The following PCDHB11 variants were observed in gnomAD, a reference collection of about 807,000 sequenced individuals.
PCDHB11 encodes the protein protocadherin beta-11.
For missense variants in PCDHB11, 1,151 were observed against 1,003.4 expected (o/e 1.15, Z -1.99); for synonymous variants, 522 against 442.0 (o/e 1.18, Z -2.27).
Position 141,201,036 on chromosome 5 carries a change from T to C in PCDHB11, c.1262T>C (p.Ile421Thr), listed in dbSNP as rs1270681555. 1 of 1,614,152 alleles carries C rather than the reference T, an allele frequency of 6.2e-7. No individual in the cohort carries two copies. The highest frequency in any genetic ancestry group is 1.1e-5 in the South Asian group (1 of 91,074). Residue 421 changes from isoleucine (I) to threonine (T), a missense_variant, in exon 1 of 1, where the codon ATC becomes ACC. Coordinates refer to ENST00000354757, the MANE Select transcript of PCDHB11 (RefSeq NM_018931.3). ...AGCACAGCCGAGTACAATATCACCA[T>C]CACCGTCACCGACTTGGGGATACCC... ...RESTAEYNIT[I>T]TVTDLGIPRL...
rs141874446 is a variant in PCDHB11 at position 141,200,980 on chromosome 5, G to C, written c.1206G>C (p.Thr402=). The change falls in exon 1 of 1, where the codon ACG becomes ACC. Residue 402 remains threonine (T), a synonymous_variant. Transcript: ENST00000354757. ...VLKSSVENYY[T]LETERPLDRE... Reference sequence around the variant, plus strand: ...AATCTTCAGTTGAGAATTACTACACGTTGGAAACAGAGAGACCACTGGACA... The same window carrying C: ...AATCTTCAGTTGAGAATTACTACACCTTGGAAACAGAGAGACCACTGGACA... 2.5e-6 allele frequency: 4 copies of C among 1,614,034 alleles called. No homozygotes were observed. The highest frequency in any genetic ancestry group is 1.1e-5 in the South Asian group (1 of 91,092).
In PCDHB11 at chr5:141,201,650, A is replaced by C; in HGVS notation, c.1876A>C (p.Thr626Pro). Residue 626 changes from threonine (T) to proline (P), a missense_variant, in exon 1 of 1, where the codon ACC becomes CCC. By Grantham distance (38) the Thr-to-Pro change is conservative. Transcript: ENST00000354757. ...GVWAHNGEVR[T>P]ARLLSERDAA... The stretch of plus-strand genomic sequence containing the variant: ...GTGGGCGCACAATGGCGAGGTGCGC[A>C]CCGCCAGGCTGCTGAGCGAGCGCGA... 6.2e-7 allele frequency: 1 copy of C among 1,605,812 alleles called. No homozygotes were observed. The highest frequency in any genetic ancestry group is 1.1e-5 in the South Asian group (1 of 90,906).
Position 141,201,948 on chromosome 5 carries a change from G to A in PCDHB11, c.2174G>A (p.Cys725Tyr). The change falls in exon 1 of 1, where the codon TGC becomes TAC. Residue 725 changes from cysteine (C) to tyrosine (Y), a missense_variant. Coordinates refer to ENST00000354757, the MANE Select transcript of PCDHB11 (RefSeq NM_018931.3). Reference sequence around the variant, plus strand: ...AGCAGGGCGGCCTCGGTGGGAAGCTGCTCGGTGCCTAAGGGCCCCTTTCCA... The same window carrying A: ...AGCAGGGCGGCCTCGGTGGGAAGCTACTCGGTGCCTAAGGGCCCCTTTCCA... ...RRSRAASVGS[C>Y]SVPKGPFPGH... 6.2e-7 allele frequency: 1 copy of A among 1,614,062 alleles called. No homozygotes were observed. Among genetic ancestry groups the A allele is most frequent in the South Asian group, 1.1e-5 (1 of 91,070 alleles).
rs1410215993 is a variant in PCDHB11, at chr5:141,203,584, TA to T, written c.*1417del. 5 of 152,214 alleles carry T rather than the reference TA, an allele frequency of 3.3e-5. No homozygotes were observed. Among genetic ancestry groups the T allele is most frequent in the Non-Finnish European group, 5.9e-5 (4 of 68,044 alleles). The allele number at this position is 152,214 out of a possible 1,614,324, so 9.4% of individuals were successfully genotyped here. Reference sequence around the variant, plus strand: ...AATGTGCTCATGGTAAATTAAATATTATTTTGTGATCAATATTATACTTCAA... The same window carrying T: ...AATGTGCTCATGGTAAATTAAATATTTTTTGTGATCAATATTATACTTCAA... On this transcript the variant is annotated 3_prime_UTR_variant, in exon 1 of 1. Coordinates refer to ENST00000354757, the MANE Select transcript of PCDHB11 (RefSeq NM_018931.3).
rs782328078 is a variant in PCDHB11, at chr5:141,201,871, G to T, written c.2097G>T (p.Ser699=). 4 of 1,611,556 alleles carry T rather than the reference G, an allele frequency of 2.5e-6. No individual in the cohort carries two copies. The highest frequency in any genetic ancestry group is 3.4e-6 in the Non-Finnish European group (4 of 1,179,874). ...TGGTGGCGTTGGCCTCGGTGTCTTC[G>T]CTCTTCCTCTTCTCGGTGCTCCTGT... ...YLVVALASVS[S]LFLFSVLLFV... is the part of the protein sequence containing the mutation. Residue 699 remains serine, a synonymous_variant, in exon 1 of 1, where the codon TCG becomes TCT. Transcript: ENST00000354757.
rs1296261258 is a variant in PCDHB11, at chr5:141,201,866, T to C, written c.2092T>C (p.Ser698Pro). 5 of 1,611,216 alleles carry C rather than the reference T, an allele frequency of 3.1e-6. No homozygotes were observed. In the African/African-American group the frequency reaches 5.3e-5, roughly 17 times the overall value. The change falls in exon 1 of 1, where the codon TCT (serine) becomes CCT (proline). Residue 698 changes from serine to proline, a missense_variant. By Grantham distance (74) the Ser-to-Pro change is moderately conservative. Coordinates refer to ENST00000354757, the MANE Select transcript of PCDHB11 (RefSeq NM_018931.3). ...CTTGGTGGTGGCGTTGGCCTCGGTG[T>C]CTTCGCTCTTCCTCTTCTCGGTGCT... ...VYLVVALASV[S>P]SLFLFSVLLF...
At position 141,199,716 on chromosome 5, in the gene PCDHB11, T is replaced by C; in HGVS notation, c.-59T>C. On this transcript the variant is annotated 5_prime_UTR_variant, in exon 1 of 1. Transcript: ENST00000354757. The stretch of plus-strand genomic sequence containing the variant: ...GACCACAGAGGATTTGGTGGACAAG[T>C]CAGAGACGCGTTCCGCAGAGCTGAA... 1 of 1,477,028 alleles carries C rather than the reference T, an allele frequency of 6.8e-7. No homozygotes were observed. Among genetic ancestry groups the C allele is most frequent in the Non-Finnish European group, 9.3e-7 (1 of 1,078,520 alleles). 91.5% of individuals were successfully genotyped at this position (1,477,028 alleles called of 1,614,324 possible).
chr5:141,203,530 C>T lies in PCDHB11; in HGVS notation c.*1362C>T, dbSNP rs1278168663. ...AGCCACATCATCTAGTTCTAAATCA[C>T]AGCATTTAAAGAGAAACATTTCATT... On this transcript the variant is annotated 3_prime_UTR_variant, in exon 1 of 1. Coordinates refer to ENST00000354757, the MANE Select transcript of PCDHB11 (RefSeq NM_018931.3). 1 of 152,196 alleles carries T rather than the reference C, an allele frequency of 6.6e-6. No individual in the cohort carries two copies. The highest frequency in any genetic ancestry group is 2.4e-5 in the African/African-American group (1 of 41,452). 9.4% of individuals were successfully genotyped at this position (152,196 alleles called of 1,614,324 possible). A position where few individuals can be genotyped will look rare whatever the true frequency, so the allele number is the denominator to read the frequency against.
At position 141,203,247 on chromosome 5, in the gene PCDHB11, A is replaced by G. The variant is rs995519348; in HGVS notation, c.*1079A>G. 2.0e-5 allele frequency: 3 copies of G among 151,960 alleles called. No homozygotes were observed. The highest frequency in any genetic ancestry group is 4.8e-5 in the African/African-American group (2 of 41,336). The allele number at this position is 151,960 out of a possible 1,614,324, so 9.4% of individuals were successfully genotyped here. A position where few individuals can be genotyped will look rare whatever the true frequency, so the allele number is the denominator to read the frequency against. ...TACAGGTGCACCACCACACCCAGCT[A>G]ATTTTGCATTTTTAGTAGAGACGGG... is the stretch of plus-strand genomic sequence containing the variant. On this transcript the variant is annotated 3_prime_UTR_variant, in exon 1 of 1. Transcript: ENST00000354757.
At position 141,200,391 on chromosome 5, in the gene PCDHB11, C is replaced by T. The variant is rs782734956; in HGVS notation, c.617C>T (p.Pro206Leu). 2 of 1,614,134 alleles carry T rather than the reference C, an allele frequency of 1.2e-6. No homozygotes were observed. The highest frequency in any genetic ancestry group is 1.1e-5 in the South Asian group (1 of 91,080). Residue 206 changes from proline (P) to leucine (L), a missense_variant, in exon 1 of 1, where the codon CCG becomes CTG. Transcript: ENST00000354757. ...AAGGCGCTGGATTATGAAGAGCTCCCGGAGCTCAGTTTCATCCTCTCTGCT... is the reference window on the plus strand; with the variant it reads ...AAGGCGCTGGATTATGAAGAGCTCCTGGAGCTCAGTTTCATCCTCTCTGCT... ...LDKALDYEEL[P>L]ELSFILSALD...
At position 141,201,764 on chromosome 5, in the gene PCDHB11, G is replaced by T; in HGVS notation, c.1990G>T (p.Asp664Tyr). The change falls in exon 1 of 1, where the codon GAC (aspartate) becomes TAC (tyrosine). Residue 664 changes from aspartate to tyrosine, a missense_variant. Transcript: ENST00000354757. The stretch of plus-strand genomic sequence containing the variant: ...CGCCACGCTGCAAGTGCTCCTGGTG[G>T]ACGGCTTCTCCCAGCCCTACCTGCC... ...ATATLQVLLV[D>Y]GFSQPYLPLP... The T allele has an allele frequency of 6.2e-7, 1 of 1,609,386 alleles. No individual in the cohort carries two copies.
chr5:141,200,336 A>G lies in PCDHB11; in HGVS notation c.562A>G (p.Asn188Asp). ...FHIKMRVIPD[N>D]RKYPELVLDK... is the part of the protein sequence containing the mutation. The stretch of plus-strand genomic sequence containing the variant: ...CATTAAAATGAGAGTCATTCCAGAC[A>G]ATAGGAAATACCCCGAGTTAGTTCT... Residue 188 changes from asparagine to aspartate, a missense_variant, in exon 1 of 1, where the codon AAT becomes GAT. By Grantham distance (23) the Asn-to-Asp change is conservative. Transcript: ENST00000354757. The G allele has an allele frequency of 6.2e-7, 1 of 1,614,144 alleles. No homozygotes were observed. The highest frequency in any genetic ancestry group is 1.1e-5 in the South Asian group (1 of 91,084).
Position 141,202,211 on chromosome 5 carries a change from G to C in PCDHB11, c.*43G>C, listed in dbSNP as rs781913751. ...TTTGCATGTACTTTTTTAGTTTTAT[G>C]TAACCATATCAATATTATTTAGTCT... is the stretch of plus-strand genomic sequence containing the variant. On this transcript the variant is annotated 3_prime_UTR_variant, in exon 1 of 1. Transcript: ENST00000354757. 4.8e-6 allele frequency: 7 copies of C among 1,467,900 alleles called. No individual in the cohort carries two copies. The highest frequency in any genetic ancestry group is 6.5e-6 in the Non-Finnish European group (7 of 1,083,848). The allele number at this position is 1,467,900 out of a possible 1,614,324, so 90.9% of individuals were successfully genotyped here.
At position 141,201,805 on chromosome 5, in the gene PCDHB11, A is replaced by C. The variant is rs61745615; in HGVS notation, c.2031A>C (p.Ala677=). 2.2e-3 allele frequency: 3,584 copies of C among 1,610,220 alleles called. 51 individuals are homozygous for C. In the African/African-American group the frequency reaches 0.033, roughly 15 times the overall value. Reference sequence around the variant, plus strand: ...CCTACCTGCCGCTCCCTGAGGCGGCACCGGCCCAGGCCCAGGCCGACTCGC... The same window carrying C: ...CCTACCTGCCGCTCCCTGAGGCGGCCCCGGCCCAGGCCCAGGCCGACTCGC... The part of the protein sequence containing the change: ...SQPYLPLPEA[A]PAQAQADSLT... Residue 677 remains alanine, a synonymous_variant, in exon 1 of 1, where the codon GCA becomes GCC. Transcript: ENST00000354757.
Position 141,202,349 on chromosome 5 carries a change from G to C in PCDHB11, c.*181G>C. ...GAGTCTCATTCTGTCGCCCTGGCTG[G>C]AGTGCAATGGTGTGATCTCAGCTCA... On this transcript the variant is annotated 3_prime_UTR_variant, in exon 1 of 1. Coordinates refer to ENST00000354757, the MANE Select transcript of PCDHB11 (RefSeq NM_018931.3). 1 of 578,622 alleles carries C rather than the reference G, an allele frequency of 1.7e-6. No individual in the cohort carries two copies. Among genetic ancestry groups the C allele is most frequent in the South Asian group, 2.4e-5 (1 of 42,518 alleles). The allele number at this position is 578,622 out of a possible 1,614,324, so 35.8% of individuals were successfully genotyped here.
rs374442176 is a variant in PCDHB11 at position 141,201,266 on chromosome 5, C to A, written c.1492C>A (p.Leu498Met). Reference protein sequence around the residue: ...YSLLPPQDLHLPLASLVSINT... With the variant: ...YSLLPPQDLHMPLASLVSINT... Reference sequence around the variant, plus strand: ...GCTACTCCCGCCCCAGGACCTGCACCTGCCCCTCGCCTCCCTGGTCTCCAT... The same window carrying A: ...GCTACTCCCGCCCCAGGACCTGCACATGCCCCTCGCCTCCCTGGTCTCCAT... Residue 498 changes from leucine (L) to methionine (M), a missense_variant, in exon 1 of 1, where the codon CTG (leucine) becomes ATG (methionine). By Grantham distance (15) the Leu-to-Met change is conservative. Coordinates refer to ENST00000354757, the MANE Select transcript of PCDHB11 (RefSeq NM_018931.3). 17 of 1,613,372 alleles carry A rather than the reference C, an allele frequency of 1.1e-5. No individual in the cohort carries two copies. In the African/African-American group the frequency reaches 2.1e-4, roughly 20 times the overall value.
At position 141,202,393 on chromosome 5, in the gene PCDHB11, G is replaced by A. The variant is rs545177287; in HGVS notation, c.*225G>A. The A allele has an allele frequency of 8.3e-6, 3 of 359,626 alleles. No individual in the cohort carries two copies. The highest frequency in any genetic ancestry group is 2.2e-5 in the African/African-American group (1 of 46,450). The allele number at this position is 359,626 out of a possible 1,614,324, so 22.3% of individuals were successfully genotyped here. On this transcript the variant is annotated 3_prime_UTR_variant, in exon 1 of 1. Transcript: ENST00000354757. ...CAGCTCACTGCACCCTCCGCCTCTC[G>A]GGTTCAAGCAATTCTCCTGCATCAG...
chr5:141,201,379 C>A lies in PCDHB11; in HGVS notation c.1605C>A (p.Asp535Glu). 6.2e-7 allele frequency: 1 copy of A among 1,612,576 alleles called. No individual in the cohort carries two copies. The highest frequency in any genetic ancestry group is 2.2e-5 in the East Asian group (1 of 44,888). The change falls in exon 1 of 1, where the codon GAC becomes GAA. Residue 535 changes from aspartate to glutamate, a missense_variant. Asp to Glu is a conservative substitution (Grantham distance 45). Transcript: ENST00000354757. ...TCGACTTCCGCGTGGGCGCCACAGA[C>A]CGCGGCTCCCCGGCTTTGAGCAGCG... ...QAFDFRVGAT[D>E]RGSPALSSEA... is the part of the protein sequence containing the mutation.
chr5:141,202,156 A>G lies in PCDHB11; in HGVS notation c.2382A>G (p.Gly794=), dbSNP rs782472123. 37 of 1,600,410 alleles carry G rather than the reference A, an allele frequency of 2.3e-5. No homozygotes were observed. The highest frequency in any genetic ancestry group is 3.1e-5 in the Non-Finnish European group (36 of 1,173,276). ...ACTCCACCTTTCGAAATAGCTTTGG[A>G]TTTAATTTTTAGTAAGAATGCTATT... The part of the protein sequence containing the change: ...EENSTFRNSF[G]FNF The change falls in exon 1 of 1, where the codon GGA becomes GGG. Residue 794 remains glycine (G), a synonymous_variant. Transcript: ENST00000354757.
Sources: gnomAD v4.1 joint callset for allele counts on GRCh38, gnomAD v4.1.1 for gene constraint, MANE v1.5 for transcripts, NCBI Gene and HGNC (gene_info 2026-07-23, HGNC 2026-07-21) for gene names.